Variants in PDPN observed in about 807,000 individuals in gnomAD.
PDPN encodes podoplanin.
Under a neutral mutation model 23.2 loss-of-function variants are expected in PDPN, and 12 were observed. The ratio of observed to expected loss-of-function variants is 0.52; its 90% confidence interval spans 0.33 to 0.84. The LOEUF (loss-of-function observed/expected upper bound fraction) is 0.84. PDPN is among the 40% of genes least tolerant of loss of function. The pLI is 0.02. For synonymous variants in PDPN, 77 were observed against 76.7 expected (o/e 1.00, Z -0.02); for missense variants, 199 against 212.2 (o/e 0.94, Z 0.39).
intron 1 of PDPN, among the ~76,000 whole-genome samples, chr1:13,602,299 G>T (rs960568070): frequency 1.3e-5 from 2 of 151,974 alleles, no homozygotes; most frequent in African/African-American, 4.8e-5. Flanking sequence ...CTGTACTCCA[G>T]CCTGGGCGAC....
chr1:13,584,748 A>C (rs1049163059), intron 1 of PDPN, among the ~76,000 whole-genome samples: 1 of 152,188 alleles, frequency 6.6e-6, no homozygotes, highest in African/African-American at 2.4e-5. Flanking sequence ...CGTTACGAAC[A>C]TTGAGGTTTA....
At chr1:13,605,497 T>C (rs190212600) in intron 1 of PDPN, among the ~76,000 whole-genome samples, 1 of 152,358 alleles carries the variant, frequency 6.6e-6, no homozygotes, top group African/African-American at 2.4e-5. Context: ...AGATGATAAT[T>C]GAGCATGGTC....
rs370991254 is a variant in PDPN, at chr1:13,616,339, G to A, written c.*428G>A. ...ACGGAGTCCTTGGATCCAGTGCTAC[G>A]TCAGTAAATAGCACCAGCATTTTGC... On this transcript the variant is annotated 3_prime_UTR_variant, in exon 6 of 6. Coordinates refer to ENST00000621990, the MANE Select transcript of PDPN (RefSeq NM_006474.5). 16 of 199,414 alleles carry A rather than the reference G, an allele frequency of 8.0e-5. 1 individual carries two copies. Among genetic ancestry groups the A allele is most frequent in the Admixed American group, 1.6e-4 (3 of 18,786 alleles). 12.4% of individuals were successfully genotyped at this position (199,414 alleles called of 1,614,324 possible).
intron 1 of PDPN, among the ~76,000 whole-genome samples, chr1:13,592,642 C>T (rs1481980359): frequency 2.6e-5 from 4 of 151,176 alleles, no homozygotes; most frequent in Non-Finnish European, 4.4e-5. Context: ...CTCCGCTTCC[C>T]GGGTTCAAGT....
At chr1:13,588,603 T>C (rs1640245205) in intron 1 of PDPN, among the ~76,000 whole-genome samples, 1 of 147,542 alleles carries the variant, frequency 6.8e-6, no homozygotes, top group Non-Finnish European at 1.5e-5. Flanking sequence ...CTATATATTA[T>C]ATATTTACAT....
At chr1:13,597,940 A>T (rs61777783) in intron 1 of PDPN, among the ~76,000 whole-genome samples, 52,350 of 151,732 alleles carry the variant, frequency 0.35, 9,186 homozygotes, top group Admixed American at 0.39. Context: ...GTGCCACTGC[A>T]CTCCAGCCTG....
chr1:13,598,924 G>C (rs1640565417), intron 1 of PDPN, among the ~76,000 whole-genome samples: 1 of 152,056 alleles, frequency 6.6e-6, no homozygotes, highest in African/African-American at 2.4e-5. Context: ...CAGGTAGCAG[G>C]GTGGGGGTAA....
chr1:13,596,442 C>G (rs1464213167), intron 1 of PDPN, among the ~76,000 whole-genome samples: 1 of 152,148 alleles, frequency 6.6e-6, no homozygotes, highest in Admixed American at 6.5e-5. Context: ...CAGGGCCAAA[C>G]TTTTGGTCCA....
intron 1 of PDPN, among the ~76,000 whole-genome samples, chr1:13,600,274 C>G (rs1391108868): frequency 6.6e-6 from 1 of 152,080 alleles, no homozygotes; most frequent in Admixed American, 6.6e-5. Context: ...AAATGCACAG[C>G]TGCTTTTTAG....
chr1:13,584,857 G>A (rs1022070271), intron 1 of PDPN, among the ~76,000 whole-genome samples: 4 of 152,136 alleles, frequency 2.6e-5, no homozygotes, highest in Non-Finnish European at 5.9e-5. Flanking sequence ...TCCCATGTTG[G>A]GGTGGGGGCG....
chr1:13,616,229 G>A lies in PDPN; in HGVS notation c.*318G>A, dbSNP rs1380389728. 80 of 420,080 alleles carry A rather than the reference G, an allele frequency of 1.9e-4. No homozygotes were observed. Among genetic ancestry groups the A allele is most frequent in the Non-Finnish European group, 2.0e-4 (47 of 233,378 alleles). The allele number at this position is 420,080 out of a possible 1,614,324, so 26.0% of individuals were successfully genotyped here. A position where few individuals can be genotyped will look rare whatever the true frequency, so the allele number is the denominator to read the frequency against. On this transcript the variant is annotated 3_prime_UTR_variant, in exon 6 of 6. Transcript: ENST00000621990. ...GTAACTAACACTGGACCATTGGATCGATATTATATGCTGTAACCATGTGTC... is the reference window on the plus strand; with the variant it reads ...GTAACTAACACTGGACCATTGGATCAATATTATATGCTGTAACCATGTGTC...
intron 2 of PDPN, 64 bp from the exon 3 acceptor site, chr1:13,610,323 A>AGG (rs1438225804): frequency 1.3e-5 from 18 of 1,394,994 alleles, no homozygotes; most frequent in Non-Finnish European, 1.8e-5. Flanking sequence ...TTTATAAGGC[A>AGG]GGGGATATAT....
intron 5 of PDPN, chr1:13,614,818 A>G (rs377063356): frequency 1.9e-6 from 1 of 517,922 alleles, no homozygotes; most frequent in Non-Finnish European, 3.9e-6. Flanking sequence ...TTCATCTTCA[A>G]AAGGACTACA....
In PDPN at chr1:13,594,367, G is replaced by A. The variant is rs115860073; in HGVS notation, c.67+10267G>A. On this transcript the variant is annotated intron_variant, in intron 1 of 5. Transcript: ENST00000621990. ...TGAAGGAGAGGTGGGGTTTGGAAGGGCACTGATTGAGCTAAAAGGTGAACC... is the reference window on the plus strand; with the variant it reads ...TGAAGGAGAGGTGGGGTTTGGAAGGACACTGATTGAGCTAAAAGGTGAACC... 5.5e-3 allele frequency among the ~76,000 whole-genome samples: 842 copies of A among 152,244 alleles called. 10 individuals are homozygous for A. The highest frequency in any genetic ancestry group is 0.019 in the African/African-American group (804 of 41,554).
Position 13,617,809 on chromosome 1 carries a change from C to CG in PDPN, c.*1898_*1899insG, listed in dbSNP as rs1641117883. On this transcript the variant is annotated 3_prime_UTR_variant, in exon 6 of 6. Coordinates refer to ENST00000621990, the MANE Select transcript of PDPN (RefSeq NM_006474.5). The stretch of plus-strand genomic sequence containing the variant: ...CTTTTCTTTCCTATCCTTTCTTCCC[C>CG]CCTCACTGTGAAAAATAACAGTCCA... The CG allele has an allele frequency of 6.7e-6, 1 of 150,348 alleles. No individual in the cohort carries two copies. Among genetic ancestry groups the CG allele is most frequent in the Non-Finnish European group, 1.5e-5 (1 of 67,540 alleles). 9.3% of individuals were successfully genotyped at this position (150,348 alleles called of 1,614,324 possible).
intron 1 of PDPN, among the ~76,000 whole-genome samples, chr1:13,590,399 G>A (rs557752524): frequency 1.3e-5 from 2 of 152,310 alleles, no homozygotes; most frequent in Non-Finnish European, 2.9e-5. Flanking sequence ...CGTGTCCTGC[G>A]CGGCACATGC....
Position 13,616,257 on chromosome 1 carries a change from C to T in PDPN, c.*346C>T, listed in dbSNP as rs377549467. On this transcript the variant is annotated 3_prime_UTR_variant, in exon 6 of 6. Coordinates refer to ENST00000621990, the MANE Select transcript of PDPN (RefSeq NM_006474.5). ...ATTATATGCTGTAACCATGTGTCTC[C>T]GTCTGACCATTCTTGTTATTGTTAA... is the stretch of plus-strand genomic sequence containing the variant. The T allele has an allele frequency of 8.4e-5, 26 of 310,210 alleles. 1 individual carries two copies. In the East Asian group the frequency reaches 1.1e-3, roughly 13 times the overall value. The allele number at this position is 310,210 out of a possible 1,614,324, so 19.2% of individuals were successfully genotyped here. A position where few individuals can be genotyped will look rare whatever the true frequency, so the allele number is the denominator to read the frequency against.
intron 1 of PDPN, among the ~76,000 whole-genome samples, chr1:13,602,887 A>G (rs1276992038): frequency 6.6e-6 from 1 of 152,066 alleles, no homozygotes; most frequent in African/African-American, 2.4e-5. Flanking sequence ...GTATTTTTAA[A>G]GAAATGGCAG....
intron 1 of PDPN, among the ~76,000 whole-genome samples, chr1:13,589,940 G>A (rs1157274553): frequency 1.3e-5 from 2 of 152,190 alleles, no homozygotes; most frequent in East Asian, 3.9e-4. Flanking sequence ...CCATTCTCCT[G>A]CCTCAGCCTC....
Sources: allele counts gnomAD v4.1 joint callset (sites outside exome capture counted in the v4.1 genomes callset), GRCh38; gene constraint gnomAD v4.1.1; transcripts MANE v1.5; gene names NCBI Gene and HGNC (gene_info 2026-07-23, HGNC 2026-07-21).